Variants in GALNTL6 observed in about 807,000 individuals in gnomAD.
GALNTL6 encodes the protein polypeptide N-acetylgalactosaminyltransferase like 6.
A neutral mutation model predicts 73.7 loss-of-function variants in GALNTL6; 46 were observed. That is an observed-to-expected ratio of 0.62 (90% CI 0.49 to 0.80). The LOEUF (loss-of-function observed/expected upper bound fraction) is 0.80. GALNTL6 is among the 30% of genes least tolerant of loss of function. GALNTL6 has a pLI of 0.00. For synonymous variants in GALNTL6, 259 were observed against 263.7 expected, an observed-to-expected ratio of 0.98 and a Z score of 0.17; for missense variants, 604 against 755.0, an observed-to-expected ratio of 0.80 and a Z score of 2.34.
intron 5 of GALNTL6, among the ~76,000 whole-genome samples, chr4:172,466,729 CA>C (rs1346048186): frequency 6.6e-6 from 1 of 152,200 alleles, no homozygotes; most frequent in Non-Finnish European, 1.5e-5. Flanking sequence ...CAAATGTTCA[CA>C]AAGCCAGGAG....
rs151307387 is a variant in GALNTL6 at position 173,000,172 on chromosome 4, C to G, written c.1372-9006C>G. 3.4e-3 allele frequency among the ~76,000 whole-genome samples: 517 copies of G among 152,222 alleles called. 2 individuals carry two copies. Among genetic ancestry groups the G allele is most frequent in the African/African-American group, 0.011 (476 of 41,548 alleles). ...TAATACTCACATCACATTTATGAAGCATTATCCTTAATTTTAAGGAAAAAA... is the reference window on the plus strand; with the variant it reads ...TAATACTCACATCACATTTATGAAGGATTATCCTTAATTTTAAGGAAAAAA... On this transcript the variant is annotated intron_variant, in intron 10 of 12. Transcript: ENST00000506823.
At chr4:172,461,125 C>T (rs915140549) in intron 5 of GALNTL6, among the ~76,000 whole-genome samples, 2 of 151,974 alleles carry the variant, frequency 1.3e-5, no homozygotes, top group African/African-American at 4.8e-5. Context: ...GAACAGGAAC[C>T]CAAACACCAC....
rs147473241 is a variant in GALNTL6 at position 171,886,940 on chromosome 4, A to G, written c.138+72222A>G. On this transcript the variant is annotated intron_variant, in intron 2 of 12. Coordinates refer to ENST00000506823, the MANE Select transcript of GALNTL6 (RefSeq NM_001034845.3). ...TTGGAACATAAAATTCAAGATAAAGATTGGCATGGATGGAAGTGAAGAAGT... is the reference window on the plus strand; with the variant it reads ...TTGGAACATAAAATTCAAGATAAAGGTTGGCATGGATGGAAGTGAAGAAGT... Among the ~76,000 whole-genome samples the G allele has an allele frequency of 1.4e-3, 210 of 152,268 alleles. 1 individual carries two copies. The highest frequency in any genetic ancestry group is 4.8e-3 in the African/African-American group (200 of 41,570).
intron 5 of GALNTL6, among the ~76,000 whole-genome samples, chr4:172,666,067 A>C (rs1004901981): frequency 6.6e-6 from 1 of 152,140 alleles, no homozygotes; most frequent in African/African-American, 2.4e-5. Context: ...TTTAGAAATC[A>C]TTCTTAATAT....
chr4:173,021,715 C>T, intron 12 of GALNTL6, 90 bp downstream of exon 12: 2 of 1,355,078 alleles, frequency 1.5e-6, no homozygotes, highest in South Asian at 1.3e-5. Context: ...CGTTTTAGGC[C>T]TGGCGCAGTC....
At chr4:172,146,277 C>T (rs745998680) in intron 2 of GALNTL6, among the ~76,000 whole-genome samples, 3 of 152,094 alleles carry the variant, frequency 2.0e-5, no homozygotes, top group Admixed American at 6.5e-5. Context: ...AATTCTTTTG[C>T]GTTCTTTATG....
At chr4:172,618,001 C>T (rs181944947) in intron 5 of GALNTL6, among the ~76,000 whole-genome samples, 71 of 152,292 alleles carry the variant, frequency 4.7e-4, no homozygotes, top group Non-Finnish European at 6.5e-4. Context: ...GTCCCTCCTT[C>T]TCCAAAAGAT....
intron 2 of GALNTL6, among the ~76,000 whole-genome samples, chr4:172,125,769 C>T (rs1413695447): frequency 6.6e-6 from 1 of 152,070 alleles, no homozygotes; most frequent in Non-Finnish European, 1.5e-5. Flanking sequence ...ATCTACCTTA[C>T]CAAAAATGCA....
chr4:172,459,765 G>C (rs546715565), intron 5 of GALNTL6, among the ~76,000 whole-genome samples: 3 of 151,940 alleles, frequency 2.0e-5, no homozygotes, highest in Non-Finnish European at 4.4e-5. Flanking sequence ...AAGAATCAAC[G>C]TTGTCAAAAT....
At chr4:172,931,022 C>G in intron 8 of GALNTL6, 139 bp from the exon 9 acceptor site, 1 of 632,272 alleles carries the variant, frequency 1.6e-6, no homozygotes, top group Non-Finnish European at 2.8e-6. Flanking sequence ...GTTTTCTTTT[C>G]TGGTTAGCCA....
intron 7 of GALNTL6, among the ~76,000 whole-genome samples, chr4:172,853,451 C>T (rs1378895826): frequency 6.6e-6 from 1 of 152,222 alleles, no homozygotes. Context: ...GGATGGCCCA[C>T]ACTCATCTTC....
At chr4:171,837,946 C>T (rs1735142689) in intron 2 of GALNTL6, among the ~76,000 whole-genome samples, 1 of 151,216 alleles carries the variant, frequency 6.6e-6, no homozygotes, top group Admixed American at 6.6e-5. Flanking sequence ...AAATGAGAGT[C>T]ATATATTCTT....
intron 2 of GALNTL6, among the ~76,000 whole-genome samples, chr4:171,879,812 C>T (rs894978168): frequency 6.6e-6 from 1 of 152,172 alleles, no homozygotes; most frequent in Non-Finnish European, 1.5e-5. Context: ...AGTACACCAG[C>T]TTTGGCAGCC....
chr4:172,039,548 G>T (rs533547783), intron 2 of GALNTL6, among the ~76,000 whole-genome samples: 11 of 152,260 alleles, frequency 7.2e-5, no homozygotes, highest in African/African-American at 2.4e-4. Context: ...GGACAGTCAG[G>T]AATGAGTTAT....
intron 3 of GALNTL6, among the ~76,000 whole-genome samples, chr4:172,308,003 C>CTTTTTTTTTTTTTTTTTTTTTTTT (rs70941399): frequency 8.7e-5 from 3 of 34,588 alleles, no homozygotes; most frequent in Non-Finnish European, 5.0e-5. Flanking sequence ...TGTGTTTTAA[C>CTTTTTTTTTTTTTTTTTTTTTTTT]TTTTTTTTTT....
intron 5 of GALNTL6, among the ~76,000 whole-genome samples, chr4:172,807,868 G>C (rs1741058098): frequency 6.6e-6 from 1 of 152,120 alleles, no homozygotes; most frequent in African/African-American, 2.4e-5. Context: ...TATTGCCCAG[G>C]CTGGAGTGCA....
intron 5 of GALNTL6, among the ~76,000 whole-genome samples, chr4:172,435,962 G>T (rs1158746003): frequency 6.6e-6 from 1 of 151,550 alleles, no homozygotes; most frequent in Non-Finnish European, 1.5e-5. Context: ...GTGTGAAATT[G>T]AAGGTTTCCT....
At chr4:172,128,673 T>C (rs1044051604) in intron 2 of GALNTL6, among the ~76,000 whole-genome samples, 2 of 152,204 alleles carry the variant, frequency 1.3e-5, no homozygotes, top group Non-Finnish European at 2.9e-5. Context: ...TTTCTAAATA[T>C]TTACACTTTA....
chr4:172,952,157 C>T lies in GALNTL6; in HGVS notation c.1270C>T (p.Gln424Ter). ...CTCTGCCCAGAAGGAGCTGCGCAAG[C>T]AGCTCAAGTGCAAGGACTTCAAATG... is the stretch of plus-strand genomic sequence containing the variant. ...DISAQKELRK[Q>*]LKCKDFKWFM... Residue 424 changes from glutamine (Q) to a stop codon, truncating the protein, a stop_gained, in exon 10 of 13, where the codon CAG becomes TAG. Transcript: ENST00000506823. LOFTEE classifies it high-confidence loss of function. 1 of 1,614,122 alleles carries T rather than the reference C, an allele frequency of 6.2e-7. No individual in the cohort carries two copies. The highest frequency in any genetic ancestry group is 8.5e-7 in the Non-Finnish European group (1 of 1,180,000).
Sources: allele counts gnomAD v4.1 joint callset (sites outside exome capture counted in the v4.1 genomes callset), GRCh38; gene constraint gnomAD v4.1.1; transcripts MANE v1.5; gene names NCBI Gene and HGNC (gene_info 2026-07-23, HGNC 2026-07-21).